Variants in KDM2B observed in about 807,000 individuals in gnomAD.
KDM2B encodes lysine-specific demethylase 2B.
In KDM2B, 26 loss-of-function variants were observed where a neutral mutation model predicts 150.0. The observed-to-expected ratio is 0.17, with a 90% CI of 0.13 to 0.24. KDM2B has a LOEUF of 0.24. Among genes scored for constraint, KDM2B ranks in the 10% least tolerant of loss-of-function variants. KDM2B has a pLI of 1.00. For synonymous variants in KDM2B, 734 were observed against 729.5 expected (o/e 1.01, Z -0.10); for missense variants, 1,265 against 1,816.9 (o/e 0.70, Z 5.52).
rs782135432 is a variant in KDM2B at position 121,509,758 on chromosome 12, A to T, written c.1456T>A (p.Leu486Met). 2 of 1,614,054 alleles carry T rather than the reference A, an allele frequency of 1.2e-6. No homozygotes were observed. The highest frequency in any genetic ancestry group is 1.7e-6 in the Non-Finnish European group (2 of 1,180,022). The change falls in exon 11 of 23, where the codon TTG (leucine) becomes ATG (methionine). Residue 486 changes from leucine to methionine, a missense_variant. Coordinates refer to ENST00000377071, the MANE Select transcript of KDM2B (RefSeq NM_032590.5). ...GGGGTCTTGGGGTAGTCTACGGCCAATGTGGTGGACTTCACACTTTCCTCC... is the reference window on the plus strand; with the variant it reads ...GGGGTCTTGGGGTAGTCTACGGCCATTGTGGTGGACTTCACACTTTCCTCC... ...ESEESVKSTT[L>M]AVDYPKTPTG...
chr12:121,455,247 C>T (rs1357002668), intron 12 of KDM2B, among the ~76,000 whole-genome samples: 3 of 152,218 alleles, frequency 2.0e-5, no homozygotes, highest in East Asian at 1.9e-4. Flanking sequence ...CTCTACCACC[C>T]TCATCTCCCA....
At chr12:121,431,959 C>T (rs1555285650) in intron 22 of KDM2B, among the ~76,000 whole-genome samples, 2 of 143,740 alleles carry the variant, frequency 1.4e-5, no homozygotes, top group African/African-American at 5.2e-5. Flanking sequence ...CCTCGGCTTA[C>T]TGCAACCTCC....
At position 121,444,110 on chromosome 12, in the gene KDM2B, C is replaced by T; in HGVS notation, c.2353G>A (p.Val785Met). ...CTGCGCAGAAGGCCGTCCGGCGGCA[C>T]CTTCTTCGAGTGCTCATCCGACCTG... ...RRRSDEHSKK[V>M]PPDGLLRRKS... Residue 785 changes from valine to methionine, a missense_variant, in exon 16 of 23, where the codon GTG becomes ATG. Val to Met is a conservative substitution (Grantham distance 21, BLOSUM62 1). Around this residue, in one of 11 missense-constraint regions of KDM2B, gnomAD observed 418 missense variants for 402.4 expected, o/e 1.04. Coordinates refer to ENST00000377071, the MANE Select transcript of KDM2B (RefSeq NM_032590.5). 2 of 1,613,658 alleles carry T rather than the reference C, an allele frequency of 1.2e-6. No individual in the cohort carries two copies. Among genetic ancestry groups the T allele is most frequent in the Non-Finnish European group, 8.5e-7 (1 of 1,180,052 alleles).
intron 22 of KDM2B, chr12:121,433,115 T>C (rs181244852): frequency 4.4e-6 from 2 of 456,424 alleles, no homozygotes; most frequent in Non-Finnish European, 8.8e-6. Context: ...GGGCCCTCTT[T>C]GGAGGCTCAT....
At chr12:121,556,004 GC>G (rs1414495725) in intron 4 of KDM2B, among the ~76,000 whole-genome samples, 8 of 151,616 alleles carry the variant, frequency 5.3e-5, no homozygotes, top group African/African-American at 1.9e-4. Flanking sequence ...TCGGCTCACT[GC>G]AACCTCTGCC....
chr12:121,548,745 T>C (rs1889259936), intron 6 of KDM2B, 132 bp downstream of exon 6: 1 of 693,066 alleles, frequency 1.4e-6, no homozygotes, highest in Middle Eastern at 3.8e-4. Context: ...GGCACAGTCC[T>C]TCAGTTCTGA....
At chr12:121,443,470 C>T in intron 17 of KDM2B, 1 of 598,792 alleles carries the variant, frequency 1.7e-6, no homozygotes, top group Middle Eastern at 4.4e-4. Flanking sequence ...GTTCCCTGGA[C>T]TCACAGCTTC....
intron 4 of KDM2B, among the ~76,000 whole-genome samples, chr12:121,561,907 C>T (rs939533029): frequency 6.6e-6 from 1 of 152,250 alleles, no homozygotes; most frequent in East Asian, 1.9e-4. Context: ...AGCGGTGGCT[C>T]ATGCCTGTAA....
chr12:121,486,835 T>C, intron 12 of KDM2B, among the ~76,000 whole-genome samples: 1 of 151,998 alleles, frequency 6.6e-6, no homozygotes, highest in South Asian at 2.1e-4. Context: ...AAGCCAAGCA[T>C]GGGGGTGCAC....
At chr12:121,444,317 T>C (rs1265549264) in intron 15 of KDM2B, 45 bp from the exon 16 acceptor site, 1 of 1,609,738 alleles carries the variant, frequency 6.2e-7, no homozygotes, top group Admixed American at 1.7e-5. Flanking sequence ...CTGTATACCT[T>C]TGGACTTGCC....
At chr12:121,415,976 G>A in the KDM2B span, among the ~76,000 whole-genome samples, 19 of 151,808 alleles carry the variant, frequency 1.3e-4, no homozygotes, top group Non-Finnish European at 2.1e-4. Context: ...GGCAATGCCA[G>A]ATATTCTTTG....
intron 4 of KDM2B, among the ~76,000 whole-genome samples, chr12:121,569,541 A>G (rs1292723594): frequency 6.6e-6 from 1 of 152,212 alleles, no homozygotes; most frequent in Non-Finnish European, 1.5e-5. Context: ...TGAACTTACG[A>G]CCTAAGTCTA....
At chr12:121,446,904 G>A (rs1455243948) in intron 13 of KDM2B, among the ~76,000 whole-genome samples, 1 of 152,030 alleles carries the variant, frequency 6.6e-6, no homozygotes, top group Non-Finnish European at 1.5e-5. Flanking sequence ...CCTAACTCAG[G>A]GAGCCAATAT....
intron 4 of KDM2B, among the ~76,000 whole-genome samples, chr12:121,559,384 A>C (rs1228954157): frequency 3.3e-5 from 5 of 152,142 alleles, no homozygotes; most frequent in African/African-American, 1.2e-4. Flanking sequence ...AAGGAAAGTC[A>C]GTTCTGTTGG....
chr12:121,562,404 A>C (rs1264156203), intron 4 of KDM2B, among the ~76,000 whole-genome samples: 1 of 152,118 alleles, frequency 6.6e-6, no homozygotes, highest in Non-Finnish European at 1.5e-5. Flanking sequence ...GAATCATTTG[A>C]ACCTGGGAGG....
chr12:121,578,905 C>A lies in KDM2B; in HGVS notation c.168G>T (p.Leu56Phe). Reference protein sequence around the residue: ...DRQRYDENEDLSDVEEIVSVR... With the variant: ...DRQRYDENEDFSDVEEIVSVR... Reference sequence around the variant, plus strand: ...CGCTGACGATCTCCTCCACGTCCGACAAGTCCTCGTTCTCGTCGTATCGCT... The same window carrying A: ...CGCTGACGATCTCCTCCACGTCCGAAAAGTCCTCGTTCTCGTCGTATCGCT... Residue 56 changes from leucine to phenylalanine, a missense_variant, in exon 2 of 23, where the codon TTG becomes TTT. This residue lies in a region of KDM2B where 214 missense variants were observed against 447.4 expected (regional missense o/e 0.48). Coordinates refer to ENST00000377071, the MANE Select transcript of KDM2B (RefSeq NM_032590.5). 1 of 1,613,202 alleles carries A rather than the reference C, an allele frequency of 6.2e-7. No individual in the cohort carries two copies. Among genetic ancestry groups the A allele is most frequent in the Non-Finnish European group, 8.5e-7 (1 of 1,179,770 alleles).
intron 13 of KDM2B, among the ~76,000 whole-genome samples, chr12:121,449,821 G>A (rs79838478): frequency 0.034 from 5,104 of 152,188 alleles, 275 homozygotes; most frequent in African/African-American, 0.11. Flanking sequence ...CAAATTCCCC[G>A]AAATCCATGG....
chr12:121,453,649 T>C lies in KDM2B; in HGVS notation c.1735-305A>G, dbSNP rs1877719956. On this transcript the variant is annotated intron_variant, in intron 12 of 22. Coordinates refer to ENST00000377071, the MANE Select transcript of KDM2B (RefSeq NM_032590.5). The surrounding 1 kb of genome is among the most constrained non-coding windows in gnomAD (Gnocchi z 6.4). ...GTGAAGACACAGGCCTTCCACAGAC[T>C]GGAGCCCTGTCTACAAGCCAAGAAG... is the stretch of plus-strand genomic sequence containing the variant. Among the ~76,000 whole-genome samples the C allele has an allele frequency of 6.6e-6, 1 of 152,092 alleles. No individual in the cohort carries two copies. The highest frequency in any genetic ancestry group is 6.5e-5 in the Admixed American group (1 of 15,270).
chr12:121,555,809 G>A (rs1889844616), intron 4 of KDM2B, among the ~76,000 whole-genome samples: 1 of 152,196 alleles, frequency 6.6e-6, no homozygotes, highest in African/African-American at 2.4e-5. Context: ...GGTGTGTGGT[G>A]TTTGGGACGT....
Sources: gnomAD v4.1 joint callset for allele counts (sites outside exome capture counted in the v4.1 genomes callset) on GRCh38, gnomAD v4.1.1 for gene constraint, gnomAD v4.1.1 regional missense constraint, Gnocchi (gnomAD v3.1) non-coding constraint, MANE v1.5 for transcripts, NCBI Gene and HGNC (gene_info 2026-07-23, HGNC 2026-07-21) for gene names.